USP43: variants seen among roughly 807,000 people sequenced by gnomAD.
USP43 encodes ubiquitin carboxyl-terminal hydrolase 43.
Under a neutral mutation model 90.7 loss-of-function variants are expected in USP43, and 33 were observed. The ratio of observed to expected loss-of-function variants is 0.36; its 90% CI spans 0.28 to 0.49. The LOEUF (loss-of-function observed/expected upper bound fraction) is 0.49. Ranked by LOEUF, USP43 falls within the 20% of genes least tolerant of loss-of-function variation. The pLI is 0.98. For synonymous variants in USP43, 598 were observed against 615.8 expected (o/e 0.97, Z 0.43); for missense variants, 1,274 against 1,476.4 (o/e 0.86, Z 2.25).
chr17:9,666,988 G>A (rs1447859210), intron 3 of USP43, among the ~76,000 whole-genome samples: 1 of 152,082 alleles, frequency 6.6e-6, no homozygotes, highest in Non-Finnish European at 1.5e-5. Flanking sequence ...TTGAAGGAGG[G>A]GTGATAAGAG....
chr17:9,656,195 A>G (rs1912230638), intron 1 of USP43, among the ~76,000 whole-genome samples: 1 of 152,160 alleles, frequency 6.6e-6, no homozygotes, highest in Non-Finnish European at 1.5e-5. Flanking sequence ...GTCTTCTCCC[A>G]TATACAGAGA....
chr17:9,722,178 C>T (rs562315891), intron 14 of USP43, among the ~76,000 whole-genome samples: 8 of 152,122 alleles, frequency 5.3e-5, no homozygotes, highest in Non-Finnish European at 8.8e-5. Flanking sequence ...TAATGTGGCT[C>T]TTTATCCCTG....
Position 9,686,369 on chromosome 17 carries a change from T to C in USP43, c.1242-429T>C, listed in dbSNP as rs539501232. Among the ~76,000 whole-genome samples the C allele has an allele frequency of 5.9e-5, 9 of 152,316 alleles. No homozygotes were observed. Among genetic ancestry groups the C allele is most frequent in the Admixed American group, 1.3e-4 (2 of 15,300 alleles). The stretch of plus-strand genomic sequence containing the variant: ...CTGGGTCACATGGTGGTTCTATTTT[T>C]AGTTTTTTGAAGAACCTCCATGCTT... On this transcript the variant is annotated intron_variant, in intron 7 of 14. Coordinates refer to ENST00000285199, the MANE Select transcript of USP43 (RefSeq NM_153210.5). This position sits in a 1 kb window ranked among gnomAD's most constrained non-coding sequence, Gnocchi z 5.5.
chr17:9,647,367 TGCTTTTTAAGAAAGAG>T (rs1353360154), intron 1 of USP43: 1 of 152,228 alleles, frequency 6.6e-6, no homozygotes, highest in African/African-American at 2.4e-5. Flanking sequence ...TGGTGACATT[TGCTTTTTAAGAAAGAG>T]GCAGTATAGT....
chr17:9,681,152 A>T (rs1241625670), intron 6 of USP43, among the ~76,000 whole-genome samples: 5 of 89,274 alleles, frequency 5.6e-5, no homozygotes, highest in African/African-American at 2.7e-4. Flanking sequence ...ATACTATATA[A>T]TATATACTAT....
chr17:9,687,610 ATT>A (rs1217323886), intron 8 of USP43, among the ~76,000 whole-genome samples: 2 of 152,168 alleles, frequency 1.3e-5, no homozygotes, highest in Non-Finnish European at 2.9e-5. Context: ...AGATGTTGAA[ATT>A]TTTAGGGACA....
chr17:9,705,935 C>T (rs1411542191), intron 12 of USP43, among the ~76,000 whole-genome samples: 1 of 152,164 alleles, frequency 6.6e-6, no homozygotes, highest in African/African-American at 2.4e-5. Flanking sequence ...ATGTCCTGCA[C>T]AAAGGGTCAT....
chr17:9,665,422 G>A (rs142821721), intron 2 of USP43, among the ~76,000 whole-genome samples: 602 of 152,200 alleles, frequency 4.0e-3, no homozygotes, highest in African/African-American at 0.013. Context: ...AGCAGGCACC[G>A]TCTTCACAAG....
chr17:9,723,965 T>C (rs1917116124), intron 14 of USP43, among the ~76,000 whole-genome samples: 1 of 152,178 alleles, frequency 6.6e-6, no homozygotes, highest in Non-Finnish European at 1.5e-5. Flanking sequence ...GTTTTTTCAT[T>C]ATCTTCCTTG....
intron 14 of USP43, among the ~76,000 whole-genome samples, chr17:9,725,954 C>A (rs370149054): frequency 1.4e-4 from 22 of 152,278 alleles, no homozygotes; most frequent in African/African-American, 5.1e-4. Flanking sequence ...CCCCACCCCC[C>A]GAGGGCTGGG....
Position 9,686,767 on chromosome 17 carries a change from C to G in USP43, c.1242-31C>G, listed in dbSNP as rs1914616094. On this transcript the variant is annotated intron_variant, in intron 7 of 14. Transcript: ENST00000285199. The surrounding 1 kb of genome is among the most constrained non-coding windows in gnomAD (Gnocchi z 5.5). ...GTGGATGTTGCTGGTTTTTCCTTTGCTGGGATAACCCGATTTCCTTGGATT... is the reference window on the plus strand; with the variant it reads ...GTGGATGTTGCTGGTTTTTCCTTTGGTGGGATAACCCGATTTCCTTGGATT... 1 of 1,603,180 alleles carries G rather than the reference C, an allele frequency of 6.2e-7. No individual in the cohort carries two copies. Among genetic ancestry groups the G allele is most frequent in the Non-Finnish European group, 8.5e-7 (1 of 1,171,944 alleles).
At chr17:9,657,234 C>T (rs554212423) in intron 2 of USP43, among the ~76,000 whole-genome samples, 8 of 152,246 alleles carry the variant, frequency 5.3e-5, no homozygotes, top group African/African-American at 9.6e-5. Context: ...AGGCCGGGCG[C>T]GGTGACTCAC....
Position 9,645,755 on chromosome 17 carries a change from C to G in USP43, c.123C>G (p.Pro41=). The G allele has an allele frequency of 7.2e-7, 1 of 1,397,168 alleles. No individual in the cohort carries two copies. Among genetic ancestry groups the G allele is most frequent in the South Asian group, 1.6e-5 (1 of 62,816 alleles). 86.5% of individuals were successfully genotyped at this position (1,397,168 alleles called of 1,614,324 possible). ...FLLALGSRSR[P]GDSPPRPQPG... ...TGGCGCTGGGCAGCCGCTCACGCCC[C>G]GGGGACTCACCGCCCCGGCCCCAGC... The change falls in exon 1 of 15, where the codon CCC becomes CCG. Residue 41 remains proline, a synonymous_variant. Coordinates refer to ENST00000285199, the MANE Select transcript of USP43 (RefSeq NM_153210.5). The surrounding 1 kb of genome is among the most constrained non-coding windows in gnomAD (Gnocchi z 6.8).
chr17:9,728,679 C>G lies in USP43; in HGVS notation c.3061C>G (p.Pro1021Ala), dbSNP rs931353208. Residue 1021 changes from proline to alanine, a missense_variant, in exon 15 of 15, where the codon CCC (proline) becomes GCC (alanine). Around this residue, in one of 6 missense-constraint regions of USP43, gnomAD observed 353 missense variants for 329.7 expected, o/e 1.07. Transcript: ENST00000285199. This position sits in a 1 kb window ranked among gnomAD's most constrained non-coding sequence, Gnocchi z 6.2. The stretch of plus-strand genomic sequence containing the variant: ...GAGGGCAGAGGTCTCTCCACAGGTG[C>G]CCCCCGTCTCCCTGGTGAGTGGCGG... ...NERAEVSPQV[P>A]PVSLVSGGLS... The G allele has an allele frequency of 1.9e-6, 3 of 1,612,112 alleles. No individual in the cohort carries two copies. In the African/African-American group the frequency reaches 4.0e-5, roughly 22 times the overall value.
intron 14 of USP43, among the ~76,000 whole-genome samples, chr17:9,724,593 T>A (rs1917157097): frequency 6.6e-6 from 1 of 151,992 alleles, no homozygotes; most frequent in African/African-American, 2.4e-5. Context: ...GGCAGGAGAA[T>A]CACTTGAATC....
chr17:9,678,507 A>AT (rs1158659220), intron 5 of USP43, among the ~76,000 whole-genome samples: 2 of 151,746 alleles, frequency 1.3e-5, no homozygotes, highest in African/African-American at 2.4e-5. Flanking sequence ...CACCCAGCTA[A>AT]TTTTTTGTAT....
chr17:9,656,639 C>T, intron 2 of USP43, 105 bp downstream of exon 2: 1 of 1,396,518 alleles, frequency 7.2e-7, no homozygotes, highest in East Asian at 2.5e-5. Flanking sequence ...TTCTTAGATT[C>T]CTATATAGTC....
intron 5 of USP43, among the ~76,000 whole-genome samples, chr17:9,678,800 C>A (rs1286956006): frequency 6.9e-6 from 1 of 143,934 alleles, no homozygotes; most frequent in Non-Finnish European, 1.5e-5. Flanking sequence ...TTCTTTATTT[C>A]ATCTTTTCTG....
intron 8 of USP43, among the ~76,000 whole-genome samples, chr17:9,691,122 CT>C (rs146377547): frequency 0.33 from 43,622 of 131,468 alleles, 7,028 homozygotes; most frequent in East Asian, 0.68. Flanking sequence ...TTTTTTTTTT[CT>C]TTTTTTTTGA....
Sources: allele counts gnomAD v4.1 joint callset (sites outside exome capture counted in the v4.1 genomes callset), GRCh38; gene constraint gnomAD v4.1.1; regional missense constraint gnomAD v4.1.1; non-coding constraint Gnocchi (gnomAD v3.1); transcripts MANE v1.5; gene names NCBI Gene and HGNC (gene_info 2026-07-23, HGNC 2026-07-21).